The following BRINP3 variants were observed in gnomAD, a reference collection of about 807,000 sequenced individuals.
The protein encoded by BRINP3 is BMP/retinoic acid-inducible neural-specific protein 3.
In BRINP3, 19 loss-of-function variants were observed where a neutral mutation model predicts 71.0. That is an observed-to-expected ratio of 0.27 (90% CI 0.19 to 0.39). The LOEUF (loss-of-function observed/expected upper bound fraction) is 0.39, where lower values mean the gene tolerates loss of function less well. Among genes scored for constraint, BRINP3 ranks in the 10% least tolerant of loss-of-function variants. BRINP3 has a pLI of 1.00. For missense variants in BRINP3, 959 were observed against 940.8 expected (o/e 1.02, Z -0.25); for synonymous variants, 380 against 337.7 (o/e 1.13, Z -1.37).
At chr1:190,164,499 T>C (rs1265942249) in intron 6 of BRINP3, among the ~76,000 whole-genome samples, 1 of 152,164 alleles carries the variant, frequency 6.6e-6, no homozygotes, top group African/African-American at 2.4e-5. Context: ...TTACAATTTA[T>C]ATTAATATTG....
At chr1:190,463,240 G>A (rs1413293516) in intron 1 of BRINP3, among the ~76,000 whole-genome samples, 1 of 151,626 alleles carries the variant, frequency 6.6e-6, no homozygotes, top group African/African-American at 2.4e-5. Context: ...GTCTAACAAT[G>A]GGAGACATAA....
intron 7 of BRINP3, among the ~76,000 whole-genome samples, chr1:190,104,029 A>G (rs1486872050): frequency 6.6e-6 from 1 of 152,022 alleles, no homozygotes; most frequent in Admixed American, 6.6e-5. Flanking sequence ...ATTAAGCATT[A>G]GAATGAAGAC....
chr1:190,318,582 A>G (rs1176647155), intron 2 of BRINP3, among the ~76,000 whole-genome samples: 1 of 152,084 alleles, frequency 6.6e-6, no homozygotes, highest in African/African-American at 2.4e-5. Context: ...GATTAGGGAA[A>G]GGTTTTGATT....
intron 2 of BRINP3, among the ~76,000 whole-genome samples, chr1:190,331,200 T>C (rs1021381102): frequency 3.9e-5 from 6 of 152,010 alleles, no homozygotes; most frequent in Non-Finnish European, 5.9e-5. Flanking sequence ...CATCATTCTA[T>C]AGCCTATTAA....
intron 2 of BRINP3, among the ~76,000 whole-genome samples, chr1:190,439,589 G>A (rs1273580923): frequency 2.0e-5 from 3 of 151,692 alleles, no homozygotes; most frequent in Non-Finnish European, 4.4e-5. Context: ...AAGATGTTGA[G>A]CTGTGTGGTG....
At chr1:190,438,222 T>G (rs866747272) in intron 2 of BRINP3, among the ~76,000 whole-genome samples, 33 of 151,496 alleles carry the variant, frequency 2.2e-4, no homozygotes, top group Admixed American at 7.9e-4. Flanking sequence ...AATGTAACCT[T>G]TAGCTGCTTT....
intron 6 of BRINP3, among the ~76,000 whole-genome samples, chr1:190,206,738 G>A (rs1296166346): frequency 6.6e-6 from 1 of 152,000 alleles, no homozygotes; most frequent in Non-Finnish European, 1.5e-5. Flanking sequence ...ATTCCTAGAA[G>A]ATGAAAAATG....
intron 4 of BRINP3, among the ~76,000 whole-genome samples, chr1:190,257,998 G>A (rs1660825299): frequency 6.6e-6 from 1 of 152,188 alleles, no homozygotes; most frequent in African/African-American, 2.4e-5. Flanking sequence ...CATGCTGGGG[G>A]AACCACTGCT....
In BRINP3 at chr1:190,439,675, G is replaced by A. The variant is rs534202019; in HGVS notation, c.236+14980C>T. Among the ~76,000 whole-genome samples the A allele has an allele frequency of 2.6e-5, 4 of 151,984 alleles. No homozygotes were observed. In the East Asian group the frequency reaches 5.8e-4, roughly 22 times the overall value. ...AAGCCTAAACAGTAAAGCTGAAACCGTGAACAGTGCCAAGGAAGAGAATGC... is the reference window on the plus strand; with the variant it reads ...AAGCCTAAACAGTAAAGCTGAAACCATGAACAGTGCCAAGGAAGAGAATGC... On this transcript the variant is annotated intron_variant, in intron 2 of 7. Transcript: ENST00000367462.
chr1:190,362,267 T>C (rs1571862129), intron 2 of BRINP3: 1 of 152,152 alleles, frequency 6.6e-6, no homozygotes, highest in South Asian at 2.1e-4. Context: ...CTTTAAAATA[T>C]AAACTAATAA....
At chr1:190,398,669 T>C (rs1671737057) in intron 2 of BRINP3, among the ~76,000 whole-genome samples, 1 of 152,042 alleles carries the variant, frequency 6.6e-6, no homozygotes, top group Admixed American at 6.6e-5. Flanking sequence ...TAGCTCAAAT[T>C]TACTGGGCAT....
At chr1:190,273,872 A>T (rs1340568660) in intron 3 of BRINP3, among the ~76,000 whole-genome samples, 4 of 151,632 alleles carry the variant, frequency 2.6e-5, no homozygotes, top group African/African-American at 7.2e-5. Flanking sequence ...AATGTGGTAG[A>T]TTATTTTGTT....
At chr1:190,153,966 A>G in intron 7 of BRINP3, 1 of 504,246 alleles carries the variant, frequency 2.0e-6, no homozygotes, top group South Asian at 8.6e-5. Flanking sequence ...CTTATACAAA[A>G]TGGAATTTTA....
intron 2 of BRINP3, among the ~76,000 whole-genome samples, chr1:190,391,756 A>G (rs1372757850): frequency 1.3e-5 from 2 of 151,634 alleles, no homozygotes. Flanking sequence ...TACTGAATCG[A>G]CCGATGTTAC....
At chr1:190,108,488 G>T (rs916938809) in intron 7 of BRINP3, among the ~76,000 whole-genome samples, 4 of 151,434 alleles carry the variant, frequency 2.6e-5, no homozygotes, top group Non-Finnish European at 5.9e-5. Flanking sequence ...TTGCTTTTCA[G>T]GGAGAAGAGT....
At chr1:190,261,176 C>T (rs1240395645) in intron 4 of BRINP3, among the ~76,000 whole-genome samples, 3 of 151,838 alleles carry the variant, frequency 2.0e-5, no homozygotes, top group Non-Finnish European at 4.4e-5. Context: ...GTGTTTTTCT[C>T]ATCACCGTCA....
At chr1:190,274,981 T>C (rs1354643884) in intron 3 of BRINP3, among the ~76,000 whole-genome samples, 8 of 151,718 alleles carry the variant, frequency 5.3e-5, no homozygotes, top group Admixed American at 1.3e-4. Flanking sequence ...TTATATTACT[T>C]TGACAAAGAA....
At chr1:190,163,970 T>C (rs1262006170) in intron 6 of BRINP3, among the ~76,000 whole-genome samples, 1 of 152,136 alleles carries the variant, frequency 6.6e-6, no homozygotes, top group Non-Finnish European at 1.5e-5. Context: ...ATAACTCTGT[T>C]AGCAAAAAGT....
intron 6 of BRINP3, among the ~76,000 whole-genome samples, chr1:190,177,704 C>T (rs1324853001): frequency 6.6e-6 from 1 of 152,102 alleles, no homozygotes; most frequent in African/African-American, 2.4e-5. Context: ...ATTAATTTGA[C>T]AATCAAGGCT....
Sources: gnomAD v4.1 joint callset for allele counts (sites outside exome capture counted in the v4.1 genomes callset) on GRCh38, gnomAD v4.1.1 for gene constraint, MANE v1.5 for transcripts, NCBI Gene and HGNC (gene_info 2026-07-23, HGNC 2026-07-21) for gene names.